The following GPD1L variants were observed in gnomAD, a reference collection of about 807,000 sequenced individuals.
GPD1L encodes the protein glycerol-3-phosphate dehydrogenase 1-like protein.
A neutral mutation model predicts 32.9 loss-of-function variants in GPD1L; 17 were observed. That is an observed-to-expected ratio of 0.52 (90% CI 0.35 to 0.78). The LOEUF (loss-of-function observed/expected upper bound fraction) is 0.78. GPD1L is among the 30% of genes least tolerant of loss of function. The pLI, the probability that GPD1L is intolerant of heterozygous loss-of-function variation, is 0.01. For missense variants in GPD1L, 361 were observed against 447.8 expected (o/e 0.81, Z 1.75); for synonymous variants, 187 against 165.9 (o/e 1.13, Z -0.98).
At chr3:32,138,513 A>G (rs199693644) in intron 2 of GPD1L, 74 bp from the exon 3 acceptor site, 165 of 1,346,668 alleles carry the variant, frequency 1.2e-4, no homozygotes, top group Non-Finnish European at 2.9e-5. Flanking sequence ...ATAAATGGTC[A>G]GTGAGTGAAA....
Position 32,166,131 on chromosome 3 carries a change from T to G in GPD1L, c.*221T>G. Reference sequence around the variant, plus strand: ...ATGCAAACATGTGAATGGTGGTTTATTCCTCATTCTGTGGATGTTTCTATG... The same window carrying G: ...ATGCAAACATGTGAATGGTGGTTTAGTCCTCATTCTGTGGATGTTTCTATG... On this transcript the variant is annotated 3_prime_UTR_variant, in exon 8 of 8. Coordinates refer to ENST00000282541, the MANE Select transcript of GPD1L (RefSeq NM_015141.4). The G allele has an allele frequency of 1.7e-6, 1 of 580,850 alleles. No individual in the cohort carries two copies. Among genetic ancestry groups the G allele is most frequent in the Non-Finnish European group, 3.1e-6 (1 of 323,938 alleles). 36.0% of individuals were successfully genotyped at this position (580,850 alleles called of 1,614,324 possible). A position where few individuals can be genotyped will look rare whatever the true frequency, so the allele number is the denominator to read the frequency against.
intron 1 of GPD1L, among the ~76,000 whole-genome samples, chr3:32,112,006 C>T (rs548619712): frequency 5.9e-5 from 9 of 152,242 alleles, no homozygotes; most frequent in African/African-American, 1.9e-4. Context: ...TGAGGACAGG[C>T]GCACGGACAC....
intron 1 of GPD1L, among the ~76,000 whole-genome samples, chr3:32,107,419 G>A (rs1700180261): frequency 6.6e-6 from 1 of 152,182 alleles, no homozygotes; most frequent in Non-Finnish European, 1.5e-5. Flanking sequence ...ACATTTTATA[G>A]AGCACATTAG....
chr3:32,114,702 C>T (rs1460762626), intron 1 of GPD1L, among the ~76,000 whole-genome samples: 1 of 151,728 alleles, frequency 6.6e-6, no homozygotes, highest in East Asian at 1.9e-4. Flanking sequence ...AGCCGCGGAC[C>T]CTCACGGTGA....
At chr3:32,127,404 C>T (rs1005170102) in intron 1 of GPD1L, among the ~76,000 whole-genome samples, 17 of 152,182 alleles carry the variant, frequency 1.1e-4, no homozygotes, top group African/African-American at 1.2e-4. Context: ...TCCTCTGCTG[C>T]GGCAACCACG....
In GPD1L at chr3:32,153,668, C is replaced by T. The variant is rs182427701; in HGVS notation, c.619-5208C>T. On this transcript the variant is annotated intron_variant, in intron 5 of 7. Transcript: ENST00000282541. ...CTTGGCAGCTAGCCTCAGGAGGAGT[C>T]GGATGGATTGTTGGACTGAGAGAAA... 6.6e-5 allele frequency among the ~76,000 whole-genome samples: 10 copies of T among 152,268 alleles called. No homozygotes were observed. The East Asian group carries it at 9.7e-4, about 15-fold the overall frequency.
chr3:32,114,808 G>A (rs1343175404), intron 1 of GPD1L, among the ~76,000 whole-genome samples: 1 of 152,098 alleles, frequency 6.6e-6, no homozygotes, highest in African/African-American at 2.4e-5. Context: ...TCGTGGTCTC[G>A]CTGACTTCAG....
chr3:32,108,998 C>T (rs1056236332), intron 1 of GPD1L, among the ~76,000 whole-genome samples: 6 of 152,188 alleles, frequency 3.9e-5, no homozygotes, highest in African/African-American at 7.2e-5. Context: ...TACAGGCATC[C>T]GCCACCATGC....
chr3:32,158,697 T>C (rs1701030742), intron 5 of GPD1L, 179 bp from the exon 6 acceptor site: 2 of 1,383,474 alleles, frequency 1.4e-6, no homozygotes, highest in African/African-American at 2.9e-5. Context: ...GGAAGCCCTG[T>C]CTCTCCTTTC....
chr3:32,121,575 C>CTA (rs367683244), intron 1 of GPD1L, among the ~76,000 whole-genome samples: 3 of 104,120 alleles, frequency 2.9e-5, no homozygotes, highest in Non-Finnish European at 5.4e-5. Context: ...GTATATATTT[C>CTA]TATATATATA....
chr3:32,114,394 A>C (rs17028887), intron 1 of GPD1L, among the ~76,000 whole-genome samples: 1 of 152,220 alleles, frequency 6.6e-6, no homozygotes, highest in African/African-American at 2.4e-5. Flanking sequence ...CCATGTGTTC[A>C]GAAGAGTCAT....
intron 6 of GPD1L, 48 bp downstream of exon 6, chr3:32,159,157 C>A (rs771716591): frequency 2.8e-6 from 4 of 1,423,540 alleles, no homozygotes; most frequent in East Asian, 2.3e-5. Context: ...TCACTTGAGA[C>A]TCCTGGCTTG....
At chr3:32,121,715 ATATATTTC>A (rs796307367) in intron 1 of GPD1L, among the ~76,000 whole-genome samples, 5 of 122,752 alleles carry the variant, frequency 4.1e-5, no homozygotes, top group East Asian at 3.9e-4. Context: ...ATATTTCTAC[ATATATTTC>A]TATATATATA....
At chr3:32,118,901 T>C (rs1397003095) in intron 1 of GPD1L, among the ~76,000 whole-genome samples, 2 of 152,224 alleles carry the variant, frequency 1.3e-5, no homozygotes, top group Admixed American at 6.5e-5. Context: ...TTATTTCAGT[T>C]AGCATAATGT....
At chr3:32,116,039 C>T (rs1324414594) in intron 1 of GPD1L, among the ~76,000 whole-genome samples, 2 of 151,966 alleles carry the variant, frequency 1.3e-5, no homozygotes, top group African/African-American at 4.8e-5. Flanking sequence ...GTGCCCGCCT[C>T]GGCCTCTCAA....
intron 5 of GPD1L, among the ~76,000 whole-genome samples, chr3:32,157,081 C>G (rs1011045134): frequency 1.3e-5 from 2 of 152,092 alleles, no homozygotes; most frequent in Non-Finnish European, 2.9e-5. Context: ...GAAGTTCCAA[C>G]TGAGTTGCCA....
At chr3:32,121,653 A>T (rs1490312752) in intron 1 of GPD1L, among the ~76,000 whole-genome samples, 1 of 130,864 alleles carries the variant, frequency 7.6e-6, no homozygotes, top group Non-Finnish European at 1.6e-5. Flanking sequence ...TATAATATAT[A>T]TATTTCTATA....
intron 1 of GPD1L, among the ~76,000 whole-genome samples, chr3:32,120,864 A>G (rs1367353037): frequency 6.6e-6 from 1 of 152,214 alleles, no homozygotes; most frequent in Non-Finnish European, 1.5e-5. Context: ...GCCTAATTAA[A>G]TACTACACCT....
At chr3:32,161,312 A>G (rs143624089) in intron 7 of GPD1L, among the ~76,000 whole-genome samples, 278 of 152,314 alleles carry the variant, frequency 1.8e-3, no homozygotes, top group African/African-American at 6.4e-3. Flanking sequence ...CCAGCCATGC[A>G]GAGATGGAAG....
Sources: allele counts gnomAD v4.1 joint callset (sites outside exome capture counted in the v4.1 genomes callset), GRCh38; gene constraint gnomAD v4.1.1; transcripts MANE v1.5; gene names NCBI Gene and HGNC (gene_info 2026-07-23, HGNC 2026-07-21).